FRK: variants seen among roughly 807,000 people sequenced by gnomAD.
FRK encodes fyn related Src family tyrosine kinase.
FRK carries 51 observed loss-of-function variants against 56.4 expected under a neutral mutation model. The observed-to-expected ratio is 0.90, with a 90% CI of 0.72 to 1.14. The LOEUF is 1.14. FRK is among the 50% of genes most tolerant of loss of function. The pLI, the probability that FRK is intolerant of heterozygous loss-of-function variation, is 0.00. For missense variants in FRK, 570 were observed against 601.4 expected, an observed-to-expected ratio of 0.95 and a Z score of 0.55; for synonymous variants, 245 against 217.9, an observed-to-expected ratio of 1.12 and a Z score of -1.10.
rs1171437350 is a variant in FRK at position 116,006,960 on chromosome 6, T to C, written c.345-2962A>G. On this transcript the variant is annotated intron_variant, in intron 1 of 7. Transcript: ENST00000606080. ...AGTTTAAGAAAACACGTTAGAAAACTGTACCTAATTTTTATGAATACATGC... is the reference window on the plus strand; with the variant it reads ...AGTTTAAGAAAACACGTTAGAAAACCGTACCTAATTTTTATGAATACATGC... 3.9e-5 allele frequency among the ~76,000 whole-genome samples: 6 copies of C among 152,354 alleles called. No homozygotes were observed. The East Asian group carries it at 1.2e-3, about 29-fold the overall frequency.
rs1297809422 is a variant in FRK, at chr6:115,944,390, C to T, written c.994G>A (p.Val332Ile). 6.2e-7 allele frequency: 1 copy of T among 1,610,122 alleles called. No individual in the cohort carries two copies. The highest frequency in any genetic ancestry group is 8.5e-7 in the Non-Finnish European group (1 of 1,178,980). The change falls in exon 6 of 8, where the codon GTA (valine) becomes ATA (isoleucine). Residue 332 changes from valine (V) to isoleucine (I), a missense_variant. Physicochemically the swap from Val to Ile is conservative, Grantham distance 29 (BLOSUM62 3). Transcript: ENST00000606080. ...GAGGCAACCTGTGCCGCCATGTCTA[C>T]CTGTTGAGTCAGATGGATTTTTGAT... Reference protein sequence around the residue: ...TGSKIHLTQQVDMAAQVASGM... With the variant: ...TGSKIHLTQQIDMAAQVASGM...
At chr6:115,975,813 G>A (rs552593113) in intron 2 of FRK, among the ~76,000 whole-genome samples, 2 of 152,240 alleles carry the variant, frequency 1.3e-5, no homozygotes, top group East Asian at 1.9e-4. Context: ...GTTTGACCTA[G>A]GGAGAAATGT....
chr6:116,010,405 G>C (rs1775419060), intron 1 of FRK, among the ~76,000 whole-genome samples: 1 of 152,098 alleles, frequency 6.6e-6, no homozygotes, highest in Non-Finnish European at 1.5e-5. Context: ...ATTAAAAGAG[G>C]TCAATCAGGA....
intron 1 of FRK, among the ~76,000 whole-genome samples, chr6:116,038,068 G>A (rs2114779395): frequency 6.6e-6 from 1 of 152,296 alleles, no homozygotes; most frequent in East Asian, 1.9e-4. Flanking sequence ...CAAGGTAAGA[G>A]GCAGGGGAGA....
the FRK span, among the ~76,000 whole-genome samples, chr6:116,079,114 A>C: frequency 1.3e-5 from 2 of 152,150 alleles, no homozygotes; most frequent in Non-Finnish European, 2.9e-5. Context: ...CGCAATGTGC[A>C]CATTTCTCTC....
intron 1 of FRK, 95 bp downstream of exon 1, chr6:116,059,873 T>A (rs1299634040): frequency 9.3e-7 from 1 of 1,079,962 alleles, no homozygotes; most frequent in African/African-American, 1.6e-5. Context: ...TAGGCAACTC[T>A]TTGGACATTA....
chr6:116,033,826 T>C (rs995096427), intron 1 of FRK, among the ~76,000 whole-genome samples: 2 of 152,106 alleles, frequency 1.3e-5, no homozygotes, highest in Non-Finnish European at 2.9e-5. Flanking sequence ...GTATTTAAGG[T>C]AAGGGTTACA....
At chr6:115,982,791 G>T (rs1430304551) in intron 2 of FRK, among the ~76,000 whole-genome samples, 1 of 152,094 alleles carries the variant, frequency 6.6e-6, no homozygotes, top group Admixed American at 6.6e-5. Flanking sequence ...AGCTATAGAG[G>T]CTTGGTGGGG....
At chr6:116,056,585 C>A (rs1777408644) in intron 1 of FRK, among the ~76,000 whole-genome samples, 1 of 152,058 alleles carries the variant, frequency 6.6e-6, no homozygotes, top group Non-Finnish European at 1.5e-5. Flanking sequence ...ACAATTAAAG[C>A]AATGAAATTT....
chr6:115,961,498 C>A (rs1773364603), intron 4 of FRK, among the ~76,000 whole-genome samples: 1 of 91,556 alleles, frequency 1.1e-5, no homozygotes, highest in Non-Finnish European at 2.1e-5. Context: ...AGAACTTCCC[C>A]AATCTAGCAA....
In FRK at chr6:116,058,600, G is replaced by A. The variant is rs184091164; in HGVS notation, c.344+1368C>T. On this transcript the variant is annotated intron_variant, in intron 1 of 7. Coordinates refer to ENST00000606080, the MANE Select transcript of FRK (RefSeq NM_002031.3). ...GAATCTCCAATGGTTTCCCTATTAA[G>A]AAACCATTCTATAAAATGAGTCCAT... Among the ~76,000 whole-genome samples, 10 of 152,228 alleles carry A rather than the reference G, an allele frequency of 6.6e-5. No homozygotes were observed. In the East Asian group the frequency reaches 1.9e-3, roughly 29 times the overall value.
intron 5 of FRK, 28 bp downstream of exon 5, chr6:115,956,424 T>C: frequency 6.8e-7 from 1 of 1,465,750 alleles, no homozygotes; most frequent in Non-Finnish European, 9.0e-7. Context: ...ATTCCTCTTT[T>C]TTTCCTTGTA....
At chr6:115,976,223 G>A (rs1169896826) in intron 2 of FRK, among the ~76,000 whole-genome samples, 1 of 152,024 alleles carries the variant, frequency 6.6e-6, no homozygotes, top group African/African-American at 2.4e-5. Context: ...GTAGAAAAGG[G>A]TTTCTCTGCC....
chr6:116,025,603 C>A (rs1776057704), intron 1 of FRK, among the ~76,000 whole-genome samples: 1 of 152,064 alleles, frequency 6.6e-6, no homozygotes, highest in Non-Finnish European at 1.5e-5. Flanking sequence ...AGCTTGAAAC[C>A]ACATTCTTGT....
upstream of FRK, among the ~76,000 whole-genome samples, chr6:116,061,688 C>A (rs73772220): frequency 6.8e-3 from 1,042 of 152,264 alleles, 19 homozygotes; most frequent in South Asian, 0.044. Context: ...GCAAAAACAG[C>A]CGGGCAATGA....
chr6:116,047,253 A>C (rs1265702091), intron 1 of FRK, among the ~76,000 whole-genome samples: 2 of 151,772 alleles, frequency 1.3e-5, no homozygotes, highest in African/African-American at 4.8e-5. Context: ...CAAATATCTA[A>C]CCCACCAGGG....
intron 1 of FRK, among the ~76,000 whole-genome samples, chr6:116,051,255 C>T (rs73772215): frequency 0.047 from 7,072 of 151,884 alleles, 291 homozygotes; most frequent in African/African-American, 0.11. Context: ...TAAAAAGGCA[C>T]GGAAATCATG....
chr6:116,088,973 C>A, the FRK span, among the ~76,000 whole-genome samples: 1 of 151,966 alleles, frequency 6.6e-6, no homozygotes, highest in Non-Finnish European at 1.5e-5. Context: ...TTTGGCATAC[C>A]CTTAAATAAT....
chr6:115,970,659 G>A (rs1773772629), intron 2 of FRK, among the ~76,000 whole-genome samples: 1 of 152,200 alleles, frequency 6.6e-6, no homozygotes. Context: ...AGCATCTGGG[G>A]AGGTTGAGAT....
Sources: gnomAD v4.1 joint callset for allele counts (sites outside exome capture counted in the v4.1 genomes callset) on GRCh38, gnomAD v4.1.1 for gene constraint, MANE v1.5 for transcripts, NCBI Gene and HGNC (gene_info 2026-07-23, HGNC 2026-07-21) for gene names.